The following OPALIN variants were observed in gnomAD, a reference collection of about 807,000 sequenced individuals.
OPALIN encodes oligodendrocytic myelin paranodal and inner loop protein.
OPALIN carries 15 observed loss-of-function variants against 17.8 expected under a neutral mutation model. The ratio of observed to expected loss-of-function variants is 0.84; its 90% CI spans 0.56 to 1.29. OPALIN has a LOEUF of 1.29. Among genes scored for constraint, OPALIN ranks in the 50% most tolerant of loss-of-function variants. OPALIN has a pLI of 0.00. For synonymous variants in OPALIN, 62 were observed against 63.8 expected, an observed-to-expected ratio of 0.97 and a Z score of 0.14; for missense variants, 170 against 176.0, an observed-to-expected ratio of 0.97 and a Z score of 0.19.
rs770990264 is a variant in OPALIN, at chr10:96,345,978, C to T, written c.389G>A (p.Gly130Glu). The T allele has an allele frequency of 3.1e-6, 5 of 1,614,086 alleles. No individual in the cohort carries two copies. Among genetic ancestry groups the T allele is most frequent in the Admixed American group, 3.3e-5 (2 of 60,024 alleles). ...RPTIEMERRRGLWWLVPRLSL... is the reference protein window; with the variant it reads ...RPTIEMERRRELWWLVPRLSL... ...CAGTCTGGGCACAAGCCACCACAATCCCCTCCTTCTTTCCATTTCTATAGT... is the reference window on the plus strand; with the variant it reads ...CAGTCTGGGCACAAGCCACCACAATTCCCTCCTTCTTTCCATTTCTATAGT... The change falls in exon 6 of 6, where the codon GGA (glycine) becomes GAA (glutamate). Residue 130 changes from glycine (G) to glutamate (E), a missense_variant. Gly to Glu is a moderately conservative substitution (Grantham distance 98). Transcript: ENST00000371172.
chr10:96,352,636 C>T (rs903586917), intron 2 of OPALIN, among the ~76,000 whole-genome samples: 1 of 149,376 alleles, frequency 6.7e-6, no homozygotes, highest in Non-Finnish European at 1.5e-5. Context: ...TCAGGTAAGG[C>T]TTCCTGTCTT....
intron 1 of OPALIN, among the ~76,000 whole-genome samples, chr10:96,356,002 C>G (rs530639942): frequency 6.6e-6 from 1 of 152,372 alleles, no homozygotes; most frequent in Non-Finnish European, 1.5e-5. Flanking sequence ...TCCCTAGCCC[C>G]TGTTACTCTA....
chr10:96,356,432 A>G (rs1845821376), intron 1 of OPALIN, among the ~76,000 whole-genome samples: 1 of 152,150 alleles, frequency 6.6e-6, no homozygotes, highest in Non-Finnish European at 1.5e-5. Context: ...CTCTCTCAAA[A>G]CCCTCATTTT....
intron 5 of OPALIN, 21 bp downstream of exon 5, chr10:96,348,268 A>G (rs770388162): frequency 1.5e-6 from 2 of 1,301,250 alleles, no homozygotes; most frequent in South Asian, 2.5e-5. Context: ...GTATATAGAG[A>G]GTATAACCAA....
At chr10:96,355,749 C>T (rs563461260) in intron 1 of OPALIN, among the ~76,000 whole-genome samples, 66 of 152,334 alleles carry the variant, frequency 4.3e-4, no homozygotes, top group African/African-American at 1.5e-3. Context: ...AACAAGAACA[C>T]CTGATCCTTA....
chr10:96,357,915 T>A (rs1845880010), intron 1 of OPALIN, among the ~76,000 whole-genome samples: 2 of 152,162 alleles, frequency 1.3e-5, no homozygotes, highest in South Asian at 4.1e-4. Flanking sequence ...TCTCAGTGGC[T>A]GAACGTCCTT....
At chr10:96,354,178 A>G (rs963718044) in intron 2 of OPALIN, among the ~76,000 whole-genome samples, 4 of 152,148 alleles carry the variant, frequency 2.6e-5, no homozygotes, top group Non-Finnish European at 5.9e-5. Flanking sequence ...TAGTAGTGCT[A>G]CTGATCAGAT....
intron 4 of OPALIN, among the ~76,000 whole-genome samples, chr10:96,349,167 C>T (rs1373378923): frequency 6.6e-6 from 1 of 152,110 alleles, no homozygotes; most frequent in African/African-American, 2.4e-5. Context: ...TGTGTCACAA[C>T]CATGGAACCT....
intron 1 of OPALIN, chr10:96,356,991 G>A: frequency 1.0e-6 from 1 of 985,446 alleles, no homozygotes; most frequent in East Asian, 1.1e-4. Context: ...ATGAATCAGA[G>A]CACCCAGGCT....
At chr10:96,353,371 AT>A (rs1309195553) in intron 2 of OPALIN, 2 of 1,604,846 alleles carry the variant, frequency 1.2e-6, no homozygotes, top group African/African-American at 2.7e-5. Context: ...GGGCACTGGC[AT>A]TCCCAGGCTA....
chr10:96,358,873 G>T, intron 1 of OPALIN, 21 bp downstream of exon 1: 2 of 1,613,672 alleles, frequency 1.2e-6, no homozygotes, highest in Non-Finnish European at 1.7e-6. Flanking sequence ...CGATTGAGAA[G>T]AGATGCCAGC....
intron 1 of OPALIN, chr10:96,357,217 G>A (rs1209066269): frequency 3.1e-6 from 3 of 955,502 alleles, no homozygotes; most frequent in Non-Finnish European, 3.7e-6. Context: ...GATGTCAGCA[G>A]CCCTAAGACA....
chr10:96,349,592 T>G (rs974569326), intron 4 of OPALIN, 115 bp downstream of exon 4: 1 of 1,206,918 alleles, frequency 8.3e-7, no homozygotes. Context: ...TTCCAGCATC[T>G]TGTCCTCAGG....
chr10:96,348,447 T>C, intron 4 of OPALIN, 102 bp from the exon 5 acceptor site: 1 of 574,900 alleles, frequency 1.7e-6, no homozygotes, highest in Admixed American at 3.3e-5. Flanking sequence ...TTTTTAAATC[T>C]GAGTGTACAT....
intron 3 of OPALIN, 107 bp downstream of exon 3, chr10:96,351,271 T>A: frequency 1.4e-6 from 1 of 720,148 alleles, no homozygotes; most frequent in Non-Finnish European, 2.4e-6. Context: ...CCAGATTCTG[T>A]GCTTAGTGAC....
chr10:96,348,640 A>G lies in OPALIN; in HGVS notation c.193-295T>C, dbSNP rs190712806. Among the ~76,000 whole-genome samples the G allele has an allele frequency of 5.9e-5, 9 of 152,348 alleles. No individual in the cohort carries two copies. The East Asian group carries it at 1.2e-3, about 20-fold the overall frequency. ...TTCATTATACTATCCTCTCTACTTT[A>G]GTATATGTTTGAAATTATAATTAAA... On this transcript the variant is annotated intron_variant, in intron 4 of 5. Coordinates refer to ENST00000371172, the MANE Select transcript of OPALIN (RefSeq NM_033207.5).
At chr10:96,349,603 A>G in intron 4 of OPALIN, 104 bp downstream of exon 4, 1 of 1,312,334 alleles carries the variant, frequency 7.6e-7, no homozygotes, top group Non-Finnish European at 1.0e-6. Context: ...TGTCCTCAGG[A>G]AATAGACATG....
chr10:96,358,997 A>G lies in OPALIN; in HGVS notation c.-101T>C, dbSNP rs1845919880. ...TGTCTTTCATTTGTAGGAACAGTTA[A>G]CTGACAAAGCTGCAGAGGCAGGCTG... is the stretch of plus-strand genomic sequence containing the variant. On this transcript the variant is annotated 5_prime_UTR_variant, in exon 1 of 6. Coordinates refer to ENST00000371172, the MANE Select transcript of OPALIN (RefSeq NM_033207.5). The G allele has an allele frequency of 7.1e-7, 1 of 1,418,266 alleles. No homozygotes were observed. Among genetic ancestry groups the G allele is most frequent in the Non-Finnish European group, 1.0e-6 (1 of 1,002,180 alleles). The allele number at this position is 1,418,266 out of a possible 1,614,324, so 87.9% of individuals were successfully genotyped here. A position where few individuals can be genotyped will look rare whatever the true frequency, so the allele number is the denominator to read the frequency against.
At chr10:96,354,685 G>A (rs554734150) in intron 2 of OPALIN, among the ~76,000 whole-genome samples, 4 of 150,466 alleles carry the variant, frequency 2.7e-5, no homozygotes, top group Non-Finnish European at 4.4e-5. Flanking sequence ...GAGAGTTTAG[G>A]TGTTTTATTG....
Sources: gnomAD v4.1 joint callset for allele counts (sites outside exome capture counted in the v4.1 genomes callset) on GRCh38, gnomAD v4.1.1 for gene constraint, MANE v1.5 for transcripts, NCBI Gene and HGNC (gene_info 2026-07-23, HGNC 2026-07-21) for gene names.